ACTMAP: variants seen among roughly 807,000 people sequenced by gnomAD.
ACTMAP encodes actin maturation protease.
At chr19:40,749,543 C>T in the ACTMAP span, 1 of 1,551,310 alleles carries the variant, frequency 6.4e-7, no homozygotes, top group Non-Finnish European at 8.7e-7. Context: ...CCGGGCCGGC[C>T]TTATCAAAGG....
chr19:40,744,817 C>A, the ACTMAP span: 2 of 1,343,122 alleles, frequency 1.5e-6, no homozygotes, highest in South Asian at 3.0e-5. Flanking sequence ...AGACCTGACT[C>A]CCCTTCAGGG....
At chr19:40,741,808 C>G in the ACTMAP span, 1 of 456,626 alleles carries the variant, frequency 2.2e-6, no homozygotes, top group South Asian at 1.5e-5. Flanking sequence ...GTTGCCAGAT[C>G]TGCTAACACA....
At chr19:40,745,527 C>G in the ACTMAP span, among the ~76,000 whole-genome samples, 1 of 152,186 alleles carries the variant, frequency 6.6e-6, no homozygotes, top group South Asian at 2.1e-4. Context: ...AACTCTTTTT[C>G]TTGCTCTGTT....
At chr19:40,749,243 G>T in the ACTMAP span, among the ~76,000 whole-genome samples, 1 of 152,000 alleles carries the variant, frequency 6.6e-6, no homozygotes, top group Non-Finnish European at 1.5e-5. Flanking sequence ...CACCCGCCTC[G>T]GCCTCCCAAA....
the ACTMAP span, among the ~76,000 whole-genome samples, chr19:40,747,723 G>A: frequency 7.9e-5 from 12 of 152,024 alleles, no homozygotes; most frequent in East Asian, 5.8e-4. Context: ...AAAACTAGCC[G>A]GGCATGGTGG....
chr19:40,743,797 C>T, the ACTMAP span: 1 of 1,412,958 alleles, frequency 7.1e-7, no homozygotes, highest in South Asian at 1.2e-5. Flanking sequence ...TGCTAAGTGC[C>T]CAGCCTGGCT....
At chr19:40,744,040 C>T in the ACTMAP span, 44 of 1,613,966 alleles carry the variant, frequency 2.7e-5, no homozygotes, top group Middle Eastern at 1.2e-3. Context: ...CCACCCCTGC[C>T]CTCCTCTCTC....
chr19:40,750,137 C>A, the ACTMAP span: 2 of 209,880 alleles, frequency 9.5e-6, no homozygotes, highest in Non-Finnish European at 1.9e-5. Flanking sequence ...GATGTGGAAA[C>A]TCATGAGTGA....
chr19:40,749,655 G>A, the ACTMAP span: 2 of 1,547,436 alleles, frequency 1.3e-6, no homozygotes, highest in African/African-American at 2.8e-5. Context: ...GGGAACAGGG[G>A]TCTGCTGACT....
the ACTMAP span, chr19:40,742,871 A>G: frequency 8.5e-7 from 1 of 1,178,182 alleles, no homozygotes; most frequent in Non-Finnish European, 1.2e-6. Flanking sequence ...GGGTGGGTGC[A>G]GCTGCCATTC....
At chr19:40,745,039 ACTC>A in the ACTMAP span, 6,009 of 1,441,322 alleles carry the variant, frequency 4.2e-3, 14 homozygotes, top group Non-Finnish European at 4.9e-3. Context: ...GGGACAATCC[ACTC>A]CTCTTCTCCA....
the ACTMAP span, chr19:40,744,131 G>C: frequency 6.2e-7 from 1 of 1,612,718 alleles, no homozygotes; most frequent in South Asian, 1.1e-5. Flanking sequence ...GGACCGCCCA[G>C]GCCACCAGAG....
chr19:40,743,969 G>A, the ACTMAP span: 8 of 1,613,894 alleles, frequency 5.0e-6, no homozygotes, highest in South Asian at 1.1e-5. Flanking sequence ...TGAAGTCCTC[G>A]TCGTAGCTGG....
At chr19:40,744,000 CGAT>C in the ACTMAP span, 86 of 1,613,904 alleles carry the variant, frequency 5.3e-5, no homozygotes, top group Non-Finnish European at 7.0e-5. Context: ...AAGGTAAAAA[CGAT>C]GGTGTGGCCC....
the ACTMAP span, among the ~76,000 whole-genome samples, chr19:40,748,800 C>A: frequency 6.6e-6 from 1 of 152,128 alleles, no homozygotes; most frequent in Non-Finnish European, 1.5e-5. Flanking sequence ...ACTCTCATCA[C>A]ACAGCATTTG....
At chr19:40,744,822 T>G in the ACTMAP span, 2 of 1,293,184 alleles carry the variant, frequency 1.5e-6, no homozygotes, top group Non-Finnish European at 2.1e-6. Context: ...TGACTCCCCT[T>G]CAGGGGAGAG....
At chr19:40,749,751 GT>G in the ACTMAP span, 6 of 1,486,874 alleles carry the variant, frequency 4.0e-6, no homozygotes, top group Admixed American at 5.5e-5. Flanking sequence ...GGGTACAGGG[GT>G]TTTTGGAGGA....
the ACTMAP span, chr19:40,744,017 G>T: frequency 8.1e-6 from 13 of 1,613,996 alleles, 2 homozygotes; most frequent in South Asian, 1.4e-4. Context: ...GTGGCCCTGG[G>T]ACCCACCCTT....
the ACTMAP span, chr19:40,744,852 G>A: frequency 8.9e-7 from 1 of 1,127,902 alleles, no homozygotes; most frequent in Non-Finnish European, 1.2e-6. Flanking sequence ...GGAGGGCTGG[G>A]GGTGGAAGGC....
Sources: allele counts gnomAD v4.1 joint callset (sites outside exome capture counted in the v4.1 genomes callset), GRCh38; gene constraint gnomAD v4.1.1; transcripts MANE v1.5; gene names NCBI Gene and HGNC (gene_info 2026-07-23, HGNC 2026-07-21).